OLFM3: variants seen among roughly 807,000 people sequenced by gnomAD.
OLFM3 encodes noelin-3.
OLFM3 carries 20 observed loss-of-function variants against 48.6 expected under a neutral mutation model. The observed-to-expected ratio is 0.41, with a 90% CI of 0.29 to 0.60. The LOEUF is 0.60. Among genes scored for constraint, OLFM3 ranks in the 20% least tolerant of loss-of-function variants. The probability of loss-of-function intolerance (pLI) is 0.28; values close to 1 mark genes in which losing one functional copy is unlikely to be tolerated. For missense variants in OLFM3, 437 were observed against 544.3 expected (o/e 0.80, Z 1.96); for synonymous variants, 222 against 198.1 (o/e 1.12, Z -1.01).
intron 1 of OLFM3, among the ~76,000 whole-genome samples, chr1:101,875,818 G>A (rs945448588): frequency 5.9e-5 from 9 of 151,948 alleles, no homozygotes; most frequent in Non-Finnish European, 1.0e-4. Context: ...GAATGGCCCT[G>A]ACAGTTTTAA....
At chr1:101,962,392 G>A (rs1660492791) in intron 1 of OLFM3, among the ~76,000 whole-genome samples, 1 of 151,916 alleles carries the variant, frequency 6.6e-6, no homozygotes, top group Non-Finnish European at 1.5e-5. Context: ...ATAAAATACA[G>A]AAACACCAAA....
At chr1:101,877,202 C>T (rs1442493114) in intron 1 of OLFM3, among the ~76,000 whole-genome samples, 1 of 151,932 alleles carries the variant, frequency 6.6e-6, no homozygotes, top group Non-Finnish European at 1.5e-5. Flanking sequence ...TTGAAGAAGT[C>T]TGGATTCGCA....
intron 1 of OLFM3, among the ~76,000 whole-genome samples, chr1:101,926,701 T>A (rs1659279676): frequency 1.3e-5 from 2 of 152,124 alleles, no homozygotes; most frequent in Admixed American, 1.3e-4. Flanking sequence ...AAGTAGGAGG[T>A]TTAGTGGCAG....
chr1:101,969,905 C>T (rs1660733659), intron 1 of OLFM3, among the ~76,000 whole-genome samples: 1 of 152,140 alleles, frequency 6.6e-6, no homozygotes, highest in Non-Finnish European at 1.5e-5. Flanking sequence ...AGGGGAGCAT[C>T]TTATACCAAC....
chr1:101,956,644 ATTATAAGCTTATTCATT>A (rs1445707623), intron 1 of OLFM3, among the ~76,000 whole-genome samples: 1 of 151,938 alleles, frequency 6.6e-6, no homozygotes, highest in East Asian at 1.9e-4. Flanking sequence ...GTATAAGCTT[ATTATAAGCTTATTCATT>A]TTATCTAGAC....
intron 1 of OLFM3, among the ~76,000 whole-genome samples, chr1:101,913,685 G>GA (rs5776609): frequency 0.017 from 2,311 of 137,172 alleles, 57 homozygotes; most frequent in African/African-American, 0.055. Context: ...AAGCCCTACA[G>GA]AAAAAAAAAA....
At chr1:101,903,244 A>AC (rs1441158188) in intron 1 of OLFM3, among the ~76,000 whole-genome samples, 2 of 152,078 alleles carry the variant, frequency 1.3e-5, no homozygotes, top group African/African-American at 4.8e-5. Context: ...AATTGAAAGC[A>AC]CAGGGCATAA....
At chr1:101,990,721 C>T (rs1233407643) in intron 1 of OLFM3, among the ~76,000 whole-genome samples, 1 of 151,808 alleles carries the variant, frequency 6.6e-6, no homozygotes, top group Non-Finnish European at 1.5e-5. Context: ...CGCGGTGGCT[C>T]ACGCCTGTAA....
chr1:101,996,853 A>G lies in OLFM3; in HGVS notation c.-37T>C. 1.2e-6 allele frequency: 2 copies of G among 1,606,850 alleles called. No homozygotes were observed. Among genetic ancestry groups the G allele is most frequent in the South Asian group, 1.1e-5 (1 of 90,866 alleles). ...TTTTTGCCCCTCTTTACTCTCTTTTATGTAGGCTCTCCACTCACTGCAGAG... is the reference window on the plus strand; with the variant it reads ...TTTTTGCCCCTCTTTACTCTCTTTTGTGTAGGCTCTCCACTCACTGCAGAG... On this transcript the variant is annotated 5_prime_UTR_variant, in exon 1 of 6. Coordinates refer to ENST00000370103, the MANE Select transcript of OLFM3 (RefSeq NM_058170.4).
At chr1:101,931,083 G>A (rs935319748) in intron 1 of OLFM3, among the ~76,000 whole-genome samples, 11 of 152,140 alleles carry the variant, frequency 7.2e-5, no homozygotes, top group African/African-American at 2.7e-4. Flanking sequence ...AAATATTTAA[G>A]AAGTCTTCTA....
At chr1:101,894,738 A>G (rs1313630781) in intron 1 of OLFM3, among the ~76,000 whole-genome samples, 2 of 152,200 alleles carry the variant, frequency 1.3e-5, no homozygotes, top group Non-Finnish European at 2.9e-5. Flanking sequence ...TAAAGGGAAC[A>G]CTAATACAGA....
chr1:101,839,325 T>A (rs937625971), intron 1 of OLFM3, among the ~76,000 whole-genome samples: 5 of 152,182 alleles, frequency 3.3e-5, no homozygotes, highest in Non-Finnish European at 5.9e-5. Context: ...TCTTAGAGAT[T>A]ACTGGGTTAG....
chr1:101,979,254 C>T (rs560392636), intron 1 of OLFM3, among the ~76,000 whole-genome samples: 3 of 152,254 alleles, frequency 2.0e-5, no homozygotes, highest in East Asian at 1.9e-4. Flanking sequence ...ATAGTTATAT[C>T]ATATCCACCT....
chr1:101,842,502 G>A (rs750152629), intron 1 of OLFM3, among the ~76,000 whole-genome samples: 12 of 152,200 alleles, frequency 7.9e-5, no homozygotes, highest in Non-Finnish European at 1.3e-4. Context: ...AGCCGAGATA[G>A]TGCCATGGCA....
intron 1 of OLFM3, among the ~76,000 whole-genome samples, chr1:101,938,235 G>T (rs756387004): frequency 1.3e-5 from 2 of 151,880 alleles, no homozygotes; most frequent in Admixed American, 1.3e-4. Context: ...TTTCTATTTC[G>T]CTGAGCCCTC....
At chr1:101,974,294 T>C (rs1296979298) in intron 1 of OLFM3, among the ~76,000 whole-genome samples, 4 of 152,146 alleles carry the variant, frequency 2.6e-5, no homozygotes, top group Non-Finnish European at 2.9e-5. Context: ...AGAGGGTAAA[T>C]GGATTTTCTA....
chr1:101,988,140 A>T (rs889702885), intron 1 of OLFM3, among the ~76,000 whole-genome samples: 5 of 152,130 alleles, frequency 3.3e-5, no homozygotes, highest in Non-Finnish European at 7.4e-5. Context: ...ACTTAAAAAA[A>T]GGTCAGCTTT....
At chr1:101,810,366 C>A (rs1653990740) in intron 4 of OLFM3, among the ~76,000 whole-genome samples, 1 of 151,876 alleles carries the variant, frequency 6.6e-6, no homozygotes. Flanking sequence ...TAAATATAGA[C>A]ATAATCACTA....
chr1:101,858,069 A>C (rs1276666357), intron 1 of OLFM3, among the ~76,000 whole-genome samples: 56 of 152,046 alleles, frequency 3.7e-4, no homozygotes, highest in Non-Finnish European at 1.5e-5. Context: ...ACTCCTCATA[A>C]CTGGTATTTC....
Sources: gnomAD v4.1 joint callset for allele counts (sites outside exome capture counted in the v4.1 genomes callset) on GRCh38, gnomAD v4.1.1 for gene constraint, MANE v1.5 for transcripts, NCBI Gene and HGNC (gene_info 2026-07-23, HGNC 2026-07-21) for gene names.